EPM2A: variants seen among roughly 807,000 people sequenced by gnomAD.
EPM2A encodes the protein laforin.
Under a neutral mutation model 26.5 loss-of-function variants are expected in EPM2A, and 21 were observed. The observed-to-expected ratio is 0.79, with a 90% CI of 0.56 to 1.14. EPM2A has a LOEUF of 1.14. EPM2A is among the 50% of genes most tolerant of loss of function. The pLI is 0.00. For synonymous variants in EPM2A, 217 were observed against 177.6 expected, an observed-to-expected ratio of 1.22 and a Z score of -1.76; for missense variants, 458 against 440.8, an observed-to-expected ratio of 1.04 and a Z score of -0.35.
chr6:145,511,779 A>G (rs543305267), intron 2 of EPM2A, among the ~76,000 whole-genome samples: 1 of 152,318 alleles, frequency 6.6e-6, no homozygotes, highest in South Asian at 2.1e-4. Flanking sequence ...AGGCAAGAGA[A>G]AGAAATAAAA....
intron 4 of EPM2A, among the ~76,000 whole-genome samples, chr6:145,446,492 G>A (rs1039742073): frequency 6.6e-6 from 1 of 152,148 alleles, no homozygotes; most frequent in African/African-American, 2.4e-5. Context: ...AAAAGTTGTG[G>A]GAGCACTGTG....
intron 4 of EPM2A, among the ~76,000 whole-genome samples, chr6:145,467,250 T>C (rs530395903): frequency 9.3e-4 from 141 of 152,252 alleles, no homozygotes; most frequent in African/African-American, 3.2e-3. Context: ...TATTTCAAAA[T>C]AATTTTGTGA....
chr6:145,488,522 T>TGAGAGAGAGAGAGAGAGAGAGA (rs200590979), intron 4 of EPM2A, among the ~76,000 whole-genome samples: 6 of 139,920 alleles, frequency 4.3e-5, no homozygotes, highest in African/African-American at 1.7e-4. Flanking sequence ...TGTGTGTGTG[T>TGAGAGAGAGAGAGAGAGAGAGA]GAGAGAGAGA....
intron 4 of EPM2A, among the ~76,000 whole-genome samples, chr6:145,467,397 A>C (rs1270323134): frequency 6.6e-6 from 1 of 152,106 alleles, no homozygotes; most frequent in East Asian, 1.9e-4. Context: ...GTCACATATT[A>C]AATTTTCCTA....
rs546947009 is a variant in EPM2A at position 145,725,318 on chromosome 6, G to A, written c.301+9880C>T. Among the ~76,000 whole-genome samples, 8 of 152,162 alleles carry A rather than the reference G, an allele frequency of 5.3e-5. No homozygotes were observed. The South Asian group carries it at 1.7e-3, about 32-fold the overall frequency. On this transcript the variant is annotated intron_variant, in intron 1 of 3. Coordinates refer to ENST00000367519, the MANE Select transcript of EPM2A (RefSeq NM_005670.4). ...CGACACTGATGAAAATGTGCAACAG[G>A]AACTCTCATTCTATGCCAGTGGAAA...
At chr6:145,616,579 C>T (rs1406247883) in intron 2 of EPM2A, among the ~76,000 whole-genome samples, 1 of 152,208 alleles carries the variant, frequency 6.6e-6, no homozygotes, top group Non-Finnish European at 1.5e-5. Flanking sequence ...ACAGCTTGCA[C>T]TGTGTGCCTG....
chr6:145,690,261 A>G (rs1781189711), intron 1 of EPM2A, among the ~76,000 whole-genome samples: 1 of 152,124 alleles, frequency 6.6e-6, no homozygotes, highest in Admixed American at 6.5e-5. Context: ...CTGTAATCCC[A>G]GCACTTTGGG....
At chr6:145,477,156 A>C (rs1330999407) in intron 4 of EPM2A, among the ~76,000 whole-genome samples, 1 of 151,964 alleles carries the variant, frequency 6.6e-6, no homozygotes, top group African/African-American at 2.4e-5. Context: ...AGAGGCTACT[A>C]TGAGCAACTA....
chr6:145,627,328 A>T lies in EPM2A; in HGVS notation c.*88T>A, dbSNP rs1775882474. Reference sequence around the variant, plus strand: ...GGAGGTCACACAGTCCTTTCAGTTCAGGTAGAATCCTTGTTTCTAGGTCAT... The same window carrying T: ...GGAGGTCACACAGTCCTTTCAGTTCTGGTAGAATCCTTGTTTCTAGGTCAT... On this transcript the variant is annotated 3_prime_UTR_variant, in exon 4 of 4. Transcript: ENST00000367519. 6.2e-7 allele frequency: 1 copy of T among 1,603,268 alleles called. No homozygotes were observed.
chr6:145,726,993 C>T (rs7751660), intron 1 of EPM2A, among the ~76,000 whole-genome samples: 151,812 of 152,280 alleles, frequency 1, 75,674 homozygotes, highest in Middle Eastern at 1. Flanking sequence ...CACTCTGTAC[C>T]GTCTTTGCAA....
At chr6:145,540,279 A>C (rs77577607) in intron 2 of EPM2A, among the ~76,000 whole-genome samples, 1 of 152,342 alleles carries the variant, frequency 6.6e-6, no homozygotes, top group Non-Finnish European at 1.5e-5. Flanking sequence ...AACTGAAAGG[A>C]AACTACAAGG....
At chr6:145,498,153 G>T (rs765929277), downstream of EPM2A, among the ~76,000 whole-genome samples, 6 of 152,178 alleles carry the variant, frequency 3.9e-5, no homozygotes, top group Non-Finnish European at 7.3e-5. Flanking sequence ...CTGCAGGCTG[G>T]AAAAGCTGGG....
At chr6:145,435,039 A>C (rs1160433189) in intron 4 of EPM2A, among the ~76,000 whole-genome samples, 1 of 152,172 alleles carries the variant, frequency 6.6e-6, no homozygotes, top group African/African-American at 2.4e-5. Context: ...TTCCACCATA[A>C]GTAAAAGCTC....
At chr6:145,577,585 C>A (rs1282595279) in intron 2 of EPM2A, among the ~76,000 whole-genome samples, 1 of 151,218 alleles carries the variant, frequency 6.6e-6, no homozygotes, top group East Asian at 1.9e-4. Flanking sequence ...TAGACCCCCC[C>A]CCAATACAAT....
intron 2 of EPM2A, among the ~76,000 whole-genome samples, chr6:145,552,751 T>A (rs183900944): frequency 6.5e-4 from 99 of 152,180 alleles, no homozygotes; most frequent in South Asian, 2.5e-3. Flanking sequence ...TACTTCCTAC[T>A]AATAGTATAT....
intron 2 of EPM2A, among the ~76,000 whole-genome samples, chr6:145,562,899 G>T (rs1780827726): frequency 6.6e-6 from 1 of 151,420 alleles, no homozygotes; most frequent in South Asian, 2.1e-4. Flanking sequence ...GGTAGAGAAG[G>T]CCTGTCTGAG....
chr6:145,489,876 C>G (rs1012879055), intron 4 of EPM2A: 2 of 1,392,950 alleles, frequency 1.4e-6, no homozygotes, highest in South Asian at 2.3e-5. Flanking sequence ...CAAAGTGAAG[C>G]TTCTCTACGT....
chr6:145,633,550 A>G (rs986318895), intron 3 of EPM2A, among the ~76,000 whole-genome samples: 2 of 152,084 alleles, frequency 1.3e-5, no homozygotes, highest in South Asian at 2.1e-4. Flanking sequence ...CCCATCCCCA[A>G]TGGCAATTCA....
chr6:145,675,765 C>A (rs1346028720), intron 2 of EPM2A, among the ~76,000 whole-genome samples: 1 of 152,098 alleles, frequency 6.6e-6, no homozygotes, highest in Admixed American at 6.5e-5. Context: ...AATACAGGAG[C>A]ACCCAGATTC....
Sources: allele counts gnomAD v4.1 joint callset (sites outside exome capture counted in the v4.1 genomes callset), GRCh38; gene constraint gnomAD v4.1.1; transcripts MANE v1.5; gene names NCBI Gene and HGNC (gene_info 2026-07-23, HGNC 2026-07-21).